Variants in ITGA9 observed in about 807,000 individuals in gnomAD.
ITGA9 encodes the protein integrin alpha-9.
In ITGA9, 56 loss-of-function variants were observed where a neutral mutation model predicts 127.8. The ratio of observed to expected loss-of-function variants is 0.44; its 90% CI spans 0.35 to 0.55. The LOEUF (loss-of-function observed/expected upper bound fraction) is 0.55, where lower values mean the gene tolerates loss of function less well. Among genes scored for constraint, ITGA9 ranks in the 20% least tolerant of loss-of-function variants. The pLI is 0.00. For missense variants in ITGA9, 1,196 were observed against 1,347.1 expected (o/e 0.89, Z 1.76); for synonymous variants, 508 against 514.5 (o/e 0.99, Z 0.17).
chr3:37,726,683 C>A (rs1210761225), intron 18 of ITGA9, among the ~76,000 whole-genome samples: 1 of 152,218 alleles, frequency 6.6e-6, no homozygotes, highest in African/African-American at 2.4e-5. Flanking sequence ...GCCAGGCAGA[C>A]CAGCAAATGA....
intron 26 of ITGA9, among the ~76,000 whole-genome samples, chr3:37,801,454 T>A (rs550421670): frequency 1.6e-4 from 24 of 152,288 alleles, no homozygotes; most frequent in African/African-American, 5.8e-4. Context: ...TCTATGTATA[T>A]TCGACTTCAA....
In ITGA9 at chr3:37,806,748, G is replaced by A. The variant is rs557434179; in HGVS notation, c.3009+2806G>A. 1 of 152,354 alleles carries A rather than the reference G, an allele frequency of 6.6e-6. No individual in the cohort carries two copies. Among genetic ancestry groups the A allele is most frequent in the South Asian group, 2.1e-4 (1 of 4,816 alleles). The allele number at this position is 152,354 out of a possible 1,614,324, so 9.4% of individuals were successfully genotyped here. The stretch of plus-strand genomic sequence containing the variant: ...GGGACACACCGTGTGCCCAGACCAG[G>A]GCTTGCCGTAACTAACGGGTGGCAG... On this transcript the variant is annotated intron_variant, in intron 27 of 27. Transcript: ENST00000264741. This position sits in a 1 kb window ranked among gnomAD's most constrained non-coding sequence, Gnocchi z 4.3.
In ITGA9 at chr3:37,737,003, A is replaced by C. The variant is rs1246658581; in HGVS notation, c.2234+20A>C. The C allele has an allele frequency of 2.0e-6, 3 of 1,507,538 alleles. No individual in the cohort carries two copies. In the South Asian group the frequency reaches 3.4e-5, roughly 17 times the overall value. 93.4% of individuals were successfully genotyped at this position (1,507,538 alleles called of 1,614,324 possible). A position where few individuals can be genotyped will look rare whatever the true frequency, so the allele number is the denominator to read the frequency against. The stretch of plus-strand genomic sequence containing the variant: ...TCAGAGGTAAGGGGGGGGTTTAAAC[A>C]CTTTTTTCAAAGATGAGAGATTTAT... On this transcript the variant is annotated intron_variant, in intron 20 of 27. Transcript: ENST00000264741.
intron 17 of ITGA9, among the ~76,000 whole-genome samples, chr3:37,677,391 T>C (rs1029873050): frequency 3.3e-5 from 5 of 152,184 alleles, no homozygotes; most frequent in Non-Finnish European, 7.4e-5. Context: ...TGAGAGTGGC[T>C]AAAGACATCT....
At chr3:37,754,570 G>A (rs1035581001) in intron 23 of ITGA9, among the ~76,000 whole-genome samples, 1 of 152,210 alleles carries the variant, frequency 6.6e-6, no homozygotes, top group African/African-American at 2.4e-5. Flanking sequence ...CTATGGGGCA[G>A]TGATTCTAAA....
chr3:37,784,269 A>G (rs1295936830), intron 25 of ITGA9, among the ~76,000 whole-genome samples: 1 of 151,634 alleles, frequency 6.6e-6, no homozygotes. Flanking sequence ...TTCTTTCTCC[A>G]TCCCTGTTTT....
chr3:37,813,298 G>A (rs376569928), intron 27 of ITGA9, among the ~76,000 whole-genome samples: 2 of 152,182 alleles, frequency 1.3e-5, no homozygotes, highest in Admixed American at 6.5e-5. Flanking sequence ...AAACTGTTAA[G>A]TCGAGGTATG....
At position 37,629,142 on chromosome 3, in the gene ITGA9, C is replaced by A; in HGVS notation, c.1690-45C>A. The A allele has an allele frequency of 6.2e-7, 1 of 1,609,288 alleles. No homozygotes were observed. The highest frequency in any genetic ancestry group is 8.5e-7 in the Non-Finnish European group (1 of 1,177,404). On this transcript the variant is annotated intron_variant, in intron 15 of 27. Transcript: ENST00000264741. This position sits in a 1 kb window ranked among gnomAD's most constrained non-coding sequence, Gnocchi z 4.5. ...AAACTGTGAAATGCTCTACGACTGTCAGCCAGGATTAGTAGTTAATGCACG... is the reference window on the plus strand; with the variant it reads ...AAACTGTGAAATGCTCTACGACTGTAAGCCAGGATTAGTAGTTAATGCACG...
At chr3:37,745,311 A>G (rs964884396) in intron 22 of ITGA9, 4 of 152,260 alleles carry the variant, frequency 2.6e-5, no homozygotes, top group East Asian at 1.9e-4. Context: ...CTTCTGACCA[A>G]CTAAGCCCCT....
intron 15 of ITGA9, among the ~76,000 whole-genome samples, chr3:37,554,105 G>T (rs932324605): frequency 4.6e-5 from 7 of 152,124 alleles, no homozygotes; most frequent in Non-Finnish European, 7.3e-5. Flanking sequence ...ATCCCAGTAG[G>T]GGGAGACAGA....
At chr3:37,779,600 T>A (rs557852880) in intron 24 of ITGA9, among the ~76,000 whole-genome samples, 27 of 152,046 alleles carry the variant, frequency 1.8e-4, no homozygotes, top group African/African-American at 5.8e-4. Context: ...AATTTAAGTT[T>A]GTGGGTTTAA....
At chr3:37,589,646 T>C (rs952799716) in intron 15 of ITGA9, among the ~76,000 whole-genome samples, 5 of 152,018 alleles carry the variant, frequency 3.3e-5, no homozygotes, top group Admixed American at 3.3e-4. Context: ...GAGAGAACCA[T>C]GTGGAGGGAT....
intron 17 of ITGA9, among the ~76,000 whole-genome samples, chr3:37,671,872 A>G (rs541348070): frequency 3.3e-5 from 5 of 152,380 alleles, no homozygotes; most frequent in African/African-American, 9.6e-5. Context: ...GGAAGTTAAA[A>G]CATGTATACA....
chr3:37,556,098 A>G (rs1014860828), intron 15 of ITGA9, among the ~76,000 whole-genome samples: 16 of 152,244 alleles, frequency 1.1e-4, no homozygotes, highest in Non-Finnish European at 2.4e-4. Flanking sequence ...TGTGAAGCAC[A>G]TGAACTGAAG....
At chr3:37,468,518 T>G (rs1323423407) in intron 1 of ITGA9, among the ~76,000 whole-genome samples, 1 of 152,176 alleles carries the variant, frequency 6.6e-6, no homozygotes, top group African/African-American at 2.4e-5. Context: ...TTTGAGGGCC[T>G]CAGACTTCTG....
At chr3:37,498,026 G>A (rs1698749502) in intron 5 of ITGA9, among the ~76,000 whole-genome samples, 1 of 152,220 alleles carries the variant, frequency 6.6e-6, no homozygotes, top group African/African-American at 2.4e-5. Context: ...TGAAGGAAAT[G>A]TCAAGGGGCT....
rs372045128 is a variant in ITGA9, at chr3:37,822,869, T to A, written c.*3880T>A. 6.6e-6 allele frequency: 1 copy of A among 152,236 alleles called. No homozygotes were observed. The highest frequency in any genetic ancestry group is 6.5e-5 in the Admixed American group (1 of 15,284). 9.4% of individuals were successfully genotyped at this position (152,236 alleles called of 1,614,324 possible). A position where few individuals can be genotyped will look rare whatever the true frequency, so the allele number is the denominator to read the frequency against. On this transcript the variant is annotated 3_prime_UTR_variant, in exon 28 of 28. Coordinates refer to ENST00000264741, the MANE Select transcript of ITGA9 (RefSeq NM_002207.3). ...TGTGAAACGTACATCTGGTGAACTGTATACTTGGCTCAAACTTCTCAAAAT... is the reference window on the plus strand; with the variant it reads ...TGTGAAACGTACATCTGGTGAACTGAATACTTGGCTCAAACTTCTCAAAAT...
intron 3 of ITGA9, among the ~76,000 whole-genome samples, chr3:37,476,749 A>G (rs376596162): frequency 2.6e-5 from 4 of 152,264 alleles, no homozygotes; most frequent in South Asian, 2.1e-4. Flanking sequence ...TAGGAACTCA[A>G]CATCATCTTA....
chr3:37,534,577 A>T (rs908248211), intron 14 of ITGA9, among the ~76,000 whole-genome samples: 1 of 152,258 alleles, frequency 6.6e-6, no homozygotes, highest in African/African-American at 2.4e-5. Flanking sequence ...ACCTTATTTA[A>T]TATGTTCATC....
Sources: allele counts gnomAD v4.1 joint callset (sites outside exome capture counted in the v4.1 genomes callset), GRCh38; gene constraint gnomAD v4.1.1; non-coding constraint Gnocchi (gnomAD v3.1); transcripts MANE v1.5; gene names NCBI Gene and HGNC (gene_info 2026-07-23, HGNC 2026-07-21).